Variants in MAN2A1 observed in about 807,000 individuals in gnomAD.
The protein encoded by MAN2A1 is alpha-mannosidase 2.
MAN2A1 carries 76 observed loss-of-function variants against 142.6 expected under a neutral mutation model. The ratio of observed to expected loss-of-function variants is 0.53; its 90% confidence interval spans 0.44 to 0.65. MAN2A1 has a LOEUF of 0.65. MAN2A1 is among the 30% of genes least tolerant of loss of function. The probability of loss-of-function intolerance (pLI) is 0.00; values close to 1 mark genes in which losing one functional copy is unlikely to be tolerated. For synonymous variants in MAN2A1, 559 were observed against 473.2 expected (o/e 1.18, Z -2.35); for missense variants, 1,311 against 1,365.1 (o/e 0.96, Z 0.62).
At chr5:109,706,103 A>G (rs1751122674) in intron 1 of MAN2A1, among the ~76,000 whole-genome samples, 1 of 152,214 alleles carries the variant, frequency 6.6e-6, no homozygotes, top group African/African-American at 2.4e-5. Flanking sequence ...GGCGCTATTT[A>G]AATTTACTTG....
intron 5 of MAN2A1, among the ~76,000 whole-genome samples, chr5:109,760,434 CA>C (rs1203381440): frequency 6.6e-6 from 1 of 152,148 alleles, no homozygotes; most frequent in Admixed American, 6.5e-5. Flanking sequence ...AATAGTGCTG[CA>C]ATAAACATAC....
intron 16 of MAN2A1, among the ~76,000 whole-genome samples, chr5:109,826,512 C>G (rs987305719): frequency 5.9e-5 from 9 of 152,066 alleles, no homozygotes; most frequent in Admixed American, 5.9e-4. Context: ...TATATACCTT[C>G]CCGTGTTTGT....
intron 20 of MAN2A1, among the ~76,000 whole-genome samples, chr5:109,859,639 A>C (rs1266229250): frequency 1.3e-5 from 2 of 152,226 alleles, no homozygotes; most frequent in Non-Finnish European, 2.9e-5. Flanking sequence ...AACACCACTG[A>C]AATACACTAC....
chr5:109,735,629 C>G (rs1752069150), intron 4 of MAN2A1, among the ~76,000 whole-genome samples: 1 of 152,070 alleles, frequency 6.6e-6, no homozygotes, highest in Non-Finnish European at 1.5e-5. Context: ...CTGTGTTGCT[C>G]ACACTGGGAG....
At chr5:109,858,650 A>G (rs961073501) in intron 20 of MAN2A1, among the ~76,000 whole-genome samples, 2 of 152,256 alleles carry the variant, frequency 1.3e-5, no homozygotes, top group African/African-American at 4.8e-5. Context: ...CCTGTATTTA[A>G]GTAAGCATAT....
chr5:109,767,383 C>G, intron 5 of MAN2A1, 152 bp from the exon 6 acceptor site: 1 of 544,788 alleles, frequency 1.8e-6, no homozygotes, highest in South Asian at 3.6e-5. Context: ...TGATATCTTG[C>G]TGGGAATACT....
intron 12 of MAN2A1, among the ~76,000 whole-genome samples, chr5:109,806,265 C>T (rs1050800356): frequency 2.0e-5 from 3 of 152,132 alleles, no homozygotes; most frequent in African/African-American, 4.8e-5. Context: ...GACTCCCTGA[C>T]GGATTGAGTT....
At chr5:109,851,161 A>C (rs898599804) in intron 19 of MAN2A1, among the ~76,000 whole-genome samples, 2 of 152,238 alleles carry the variant, frequency 1.3e-5, no homozygotes, top group Non-Finnish European at 1.5e-5. Context: ...TCCTCAGAGA[A>C]TTCTGCAGAG....
intron 12 of MAN2A1, 99 bp downstream of exon 12, chr5:109,789,626 C>A: frequency 1.3e-6 from 1 of 757,412 alleles, no homozygotes; most frequent in South Asian, 2.2e-5. Context: ...TTGAGGCAAT[C>A]AATTTATTAA....
In MAN2A1 at chr5:109,866,976, C is replaced by T; in HGVS notation, c.3413C>T (p.Thr1138Ile). The T allele has an allele frequency of 6.2e-7, 1 of 1,610,594 alleles. No individual in the cohort carries two copies. Among genetic ancestry groups the T allele is most frequent in the Non-Finnish European group, 8.5e-7 (1 of 1,178,320 alleles). The change falls in exon 22 of 22, where the codon ACA becomes ATA. Residue 1138 changes from threonine to isoleucine, a missense_variant. Transcript: ENST00000261483. ...EINLSPMEIS[T>I]FRIQLR ...AACTTGAGTCCAATGGAAATCAGCA[C>T]ATTCCGAATCCAGTTGAGGTGAACC... is the stretch of plus-strand genomic sequence containing the variant.
At chr5:109,735,110 C>T (rs1285693657) in intron 4 of MAN2A1, among the ~76,000 whole-genome samples, 1 of 152,048 alleles carries the variant, frequency 6.6e-6, no homozygotes, top group East Asian at 1.9e-4. Flanking sequence ...TGAATTGATC[C>T]CTTTACCATT....
intron 19 of MAN2A1, among the ~76,000 whole-genome samples, chr5:109,849,583 T>C (rs1312394012): frequency 6.6e-6 from 1 of 151,780 alleles, no homozygotes; most frequent in Non-Finnish European, 1.5e-5. Flanking sequence ...ATTTATAATC[T>C]TCTTTACTTC....
intron 4 of MAN2A1, among the ~76,000 whole-genome samples, chr5:109,732,971 A>G (rs1179141134): frequency 4.6e-5 from 7 of 151,466 alleles, no homozygotes; most frequent in South Asian, 4.2e-4. Context: ...CCATTTTCAC[A>G]ATATTGATTC....
rs147611135 is a variant in MAN2A1 at position 109,777,383 on chromosome 5, T to C, written c.1374+2418T>C. ...GTATCCTCTTTTGTGAAGTACCTAT[T>C]TAAGTCTTTTGATGATTTTTTAATT... On this transcript the variant is annotated intron_variant, in intron 8 of 21. Coordinates refer to ENST00000261483, the MANE Select transcript of MAN2A1 (RefSeq NM_002372.4). Among the ~76,000 whole-genome samples the C allele has an allele frequency of 2.2e-3, 329 of 152,168 alleles. 2 individuals are homozygous for C. Among genetic ancestry groups the C allele is most frequent in the African/African-American group, 7.5e-3 (312 of 41,536 alleles).
chr5:109,694,462 GC>G (rs1438728629), intron 1 of MAN2A1, among the ~76,000 whole-genome samples: 1 of 151,950 alleles, frequency 6.6e-6, no homozygotes, highest in African/African-American at 2.4e-5. Context: ...TCCCACCTCA[GC>G]CTTCTGAGTA....
chr5:109,747,384 T>G (rs1752435563), intron 4 of MAN2A1, among the ~76,000 whole-genome samples: 1 of 152,216 alleles, frequency 6.6e-6, no homozygotes, highest in Non-Finnish European at 1.5e-5. Flanking sequence ...AAATACATTA[T>G]AAACATTTAT....
At chr5:109,814,041 G>A (rs924778130) in intron 12 of MAN2A1, among the ~76,000 whole-genome samples, 3 of 152,136 alleles carry the variant, frequency 2.0e-5, no homozygotes, top group Non-Finnish European at 4.4e-5. Context: ...TGAATTATGG[G>A]GGCCCAATGT....
chr5:109,696,928 T>A (rs1394045347), intron 1 of MAN2A1, among the ~76,000 whole-genome samples: 1 of 152,176 alleles, frequency 6.6e-6, no homozygotes, highest in African/African-American at 2.4e-5. Flanking sequence ...TTACAAAAAA[T>A]TTCAAGGATA....
intron 4 of MAN2A1, among the ~76,000 whole-genome samples, chr5:109,751,343 T>A (rs1752541809): frequency 1.3e-5 from 2 of 152,158 alleles, no homozygotes; most frequent in African/African-American, 4.8e-5. Flanking sequence ...TAGGTTTTTA[T>A]GACTAAATAG....
Sources: gnomAD v4.1 joint callset for allele counts (sites outside exome capture counted in the v4.1 genomes callset) on GRCh38, gnomAD v4.1.1 for gene constraint, MANE v1.5 for transcripts, NCBI Gene and HGNC (gene_info 2026-07-23, HGNC 2026-07-21) for gene names.